The following NLRP7 variants were observed in gnomAD, a reference collection of about 807,000 sequenced individuals.
The protein encoded by NLRP7 is NLR family pyrin domain containing 7, also known as NACHT, LRR and PYD domains-containing protein 7.
In NLRP7, 72 loss-of-function variants were observed where a neutral mutation model predicts 85.5. The observed-to-expected ratio is 0.84, with a 90% confidence interval of 0.70 to 1.02. The LOEUF (loss-of-function observed/expected upper bound fraction) is 1.02. Among genes scored for constraint, NLRP7 ranks in the 50% least tolerant of loss-of-function variants. The probability of loss-of-function intolerance (pLI) is 0.00; values close to 1 mark genes in which losing one functional copy is unlikely to be tolerated. For missense variants in NLRP7, 1,243 were observed against 1,219.5 expected, an observed-to-expected ratio of 1.02 and a Z score of -0.29; for synonymous variants, 550 against 505.2, an observed-to-expected ratio of 1.09 and a Z score of -1.19.
exon 5 of NLRP7, chr19:54,938,108 C>A: frequency 6.2e-7 from 1 of 1,614,076 alleles, no homozygotes; most frequent in Admixed American, 1.7e-5. Flanking sequence ...ACAGAAGAGT[C>A]ACTCAGGAAG....
chr19:54,957,643 C>T (rs543859811), intron 1 of NLRP7, among the ~76,000 whole-genome samples: 18 of 152,158 alleles, frequency 1.2e-4, no homozygotes, highest in Non-Finnish European at 2.6e-4. Flanking sequence ...CTGCACCCTA[C>T]ACTCTTATAC....
At chr19:54,952,540 G>A (rs2069703419) in intron 1 of NLRP7, among the ~76,000 whole-genome samples, 1 of 148,678 alleles carries the variant, frequency 6.7e-6, no homozygotes, top group Non-Finnish European at 1.5e-5. Flanking sequence ...GTTGCAGTGA[G>A]CAAAGATCCT....
exon 2 of NLRP7, chr19:54,941,686 G>T (rs575270293): frequency 6.2e-7 from 1 of 1,613,088 alleles, no homozygotes; most frequent in African/African-American, 1.3e-5. Flanking sequence ...GGTCTGCAGA[G>T]TCCACTCTAG....
At position 54,939,514 on chromosome 19, in the gene NLRP7, C is replaced by T. The variant is rs373259149; in HGVS notation, c.1305G>A (p.Leu435=). Residue 435 remains leucine (L), a synonymous_variant, in exon 4 of 10, where the codon CTG becomes CTA. Transcript: ENST00000340844. The stretch of plus-strand genomic sequence containing the variant: ...CGGACTCCTGCACCCCGAGCCTTTC[C>T]AGGTCCTCTCGGTGGAACACGGACA... The T allele has an allele frequency of 5.2e-5, 84 of 1,613,822 alleles. No homozygotes were observed. The Middle Eastern group carries it at 1.7e-3, about 32-fold the overall frequency.
chr19:54,958,589 G>A (rs576768271), intron 1 of NLRP7, among the ~76,000 whole-genome samples: 1 of 152,156 alleles, frequency 6.6e-6, no homozygotes, highest in African/African-American at 2.4e-5. Flanking sequence ...AGGTTGCAGT[G>A]AGTCAAGATC....
Position 54,946,006 on chromosome 19 carries a change from T to C in NLRP7, c.-40+1463A>G, listed in dbSNP as rs572169379. Among the ~76,000 whole-genome samples, 647 of 152,070 alleles carry C rather than the reference T, an allele frequency of 4.3e-3. 5 individuals carry two copies. The highest frequency in any genetic ancestry group is 4.2e-3 in the Non-Finnish European group (283 of 67,982). ...TGGGGTTTCACCGTGTTAGCCAGGA[T>C]GGTCTCGATCTTCTGACCTCGTGAT... On this transcript the variant is annotated intron_variant, in intron 1 of 9. Transcript: ENST00000340844.
At chr19:54,930,932 A>T (rs1229148014) in intron 8 of NLRP7, among the ~76,000 whole-genome samples, 1 of 152,070 alleles carries the variant, frequency 6.6e-6, no homozygotes, top group Non-Finnish European at 1.5e-5. Flanking sequence ...CTGAGGCAGG[A>T]GAATCGCTTG....
rs2068938756 is a variant in NLRP7, at chr19:54,936,560, G to C, written c.2130-129C>G. Reference sequence around the variant, plus strand: ...TTCTTGGCCGGGTGCAGTGGCTCGTGTCTGTAACCCCAGCACTTTGGGAGG... The same window carrying C: ...TTCTTGGCCGGGTGCAGTGGCTCGTCTCTGTAACCCCAGCACTTTGGGAGG... On this transcript the variant is annotated intron_variant, in intron 5 of 9. Transcript: ENST00000340844. 7 of 807,638 alleles carry C rather than the reference G, an allele frequency of 8.7e-6. No homozygotes were observed. In the Admixed American group the frequency reaches 1.2e-4, roughly 14 times the overall value. The allele number at this position is 807,638 out of a possible 1,614,324, so 50.0% of individuals were successfully genotyped here.
chr19:54,933,802 G>C, intron 7 of NLRP7, 63 bp from the exon 8 acceptor site: 1 of 1,405,766 alleles, frequency 7.1e-7, no homozygotes, highest in Admixed American at 1.7e-5. Context: ...AACCTGCTCA[G>C]TGATGTCCAC....
At chr19:54,942,071 G>A (rs2069253402) in intron 1 of NLRP7, among the ~76,000 whole-genome samples, 1 of 151,772 alleles carries the variant, frequency 6.6e-6, no homozygotes, top group Non-Finnish European at 1.5e-5. Context: ...GGCTAACACA[G>A]TGAAACCCCT....
At chr19:54,933,690 C>T (rs772819220) in exon 8 of NLRP7, 2 of 1,614,190 alleles carry the variant, frequency 1.2e-6, no homozygotes, top group Non-Finnish European at 1.7e-6. Context: ...ACAACCAAGA[C>T]AGCAGCAAGG....
At chr19:54,927,865 G>A (rs2146153047) in intron 9 of NLRP7, 90 bp from the exon 10 acceptor site, 1 of 1,165,540 alleles carries the variant, frequency 8.6e-7, no homozygotes, top group Non-Finnish European at 1.3e-6. Flanking sequence ...GCCAAGGCGG[G>A]TGGATCACTT....
exon 4 of NLRP7, chr19:54,939,695 A>C (rs779962136): frequency 1.4e-5 from 23 of 1,613,232 alleles, no homozygotes; most frequent in Non-Finnish European, 1.9e-5. Flanking sequence ...CTCCATCTGC[A>C]GCTTCAGAGT....
chr19:54,940,243 C>T (rs2069162175), exon 4 of NLRP7: 2 of 1,614,194 alleles, frequency 1.2e-6, no homozygotes, highest in Non-Finnish European at 1.7e-6. Context: ...TCCAGTCCAG[C>T]ATACACTTTT....
At chr19:54,941,098 T>G in intron 2 of NLRP7, 93 bp from the exon 3 acceptor site, 1 of 955,484 alleles carries the variant, frequency 1.0e-6, no homozygotes, top group Non-Finnish European at 1.7e-6. Context: ...GCATGGTGGC[T>G]CATGCCTGTA....
At chr19:54,947,284 G>T (rs970096959) in intron 1 of NLRP7, among the ~76,000 whole-genome samples, 185 bp downstream of exon 1, 1 of 151,388 alleles carries the variant, frequency 6.6e-6, no homozygotes. Context: ...CCAAGATCAC[G>T]CCACTGCACT....
At chr19:54,937,349 T>G (rs8112849) in intron 5 of NLRP7, among the ~76,000 whole-genome samples, 122 of 151,930 alleles carry the variant, frequency 8.0e-4, no homozygotes, top group African/African-American at 2.7e-3. Flanking sequence ...AACTAACCTG[T>G]ACTTGTACCT....
At chr19:54,937,582 A>C (rs2068987425) in intron 5 of NLRP7, among the ~76,000 whole-genome samples, 1 of 149,900 alleles carries the variant, frequency 6.7e-6, no homozygotes, top group Non-Finnish European at 1.5e-5. Flanking sequence ...ACAGAGTGAA[A>C]CTCTGTCTCA....
At chr19:54,959,137 TTTTC>T (rs1203890426) in intron 1 of NLRP7, among the ~76,000 whole-genome samples, 1 of 150,444 alleles carries the variant, frequency 6.6e-6, no homozygotes, top group Non-Finnish European at 1.5e-5. Flanking sequence ...GTTTTTTTCT[TTTTC>T]TTTTTTTTTT....
Sources: gnomAD v4.1 joint callset for allele counts (sites outside exome capture counted in the v4.1 genomes callset) on GRCh38, gnomAD v4.1.1 for gene constraint, MANE v1.5 for transcripts, NCBI Gene and HGNC (gene_info 2026-07-23, HGNC 2026-07-21) for gene names.